Variants in FAM162B observed in about 807,000 individuals in gnomAD.
FAM162B encodes the protein family with sequence similarity 162 member B.
In FAM162B, 16 loss-of-function variants were observed where a neutral mutation model predicts 20.0. That is an observed-to-expected ratio of 0.80 (90% CI 0.54 to 1.21). FAM162B has a LOEUF of 1.21. FAM162B is among the 50% of genes most tolerant of loss of function. The probability of loss-of-function intolerance (pLI) is 0.00; values close to 1 mark genes in which losing one functional copy is unlikely to be tolerated. For synonymous variants in FAM162B, 83 were observed against 89.7 expected, an observed-to-expected ratio of 0.93 and a Z score of 0.42; for missense variants, 260 against 227.5, an observed-to-expected ratio of 1.14 and a Z score of -0.92.
Position 116,765,715 on chromosome 6 carries a change from C to T in FAM162B, c.-139G>A. 1 of 1,012,866 alleles carries T rather than the reference C, an allele frequency of 9.9e-7. No individual in the cohort carries two copies. The highest frequency in any genetic ancestry group is 1.3e-6 in the Non-Finnish European group (1 of 788,850). 62.7% of individuals were successfully genotyped at this position (1,012,866 alleles called of 1,614,324 possible). A position where few individuals can be genotyped will look rare whatever the true frequency, so the allele number is the denominator to read the frequency against. ...GCAGCTGGAACCCCTGGCGCTCGCA[C>T]ACTCAGCTCGCTATCCCCGTCTCCG... On this transcript the variant is annotated 5_prime_UTR_variant, in exon 1 of 4. In the 5' UTR this introduces an upstream ATG that the reference lacks. Transcript: ENST00000368557.
intron 3 of FAM162B, among the ~76,000 whole-genome samples, chr6:116,753,045 T>G (rs1562466725): frequency 6.6e-6 from 1 of 152,082 alleles, no homozygotes. Context: ...GCATCTCACA[T>G]TTAATATAGC....
intron 3 of FAM162B, among the ~76,000 whole-genome samples, chr6:116,757,329 TAATAATA>T (rs978140224): frequency 6.9e-6 from 1 of 145,926 alleles, no homozygotes; most frequent in African/African-American, 2.8e-5. Flanking sequence ...AAATTGTAGA[TAATAATA>T]AAGCATTTCA....
intron 3 of FAM162B, among the ~76,000 whole-genome samples, chr6:116,757,423 A>G (rs1780063014): frequency 6.6e-6 from 1 of 152,176 alleles, no homozygotes; most frequent in African/African-American, 2.4e-5. Context: ...AATTTTAGGG[A>G]AAATGTTTTT....
chr6:116,757,770 A>AG (rs1554260076), intron 3 of FAM162B, among the ~76,000 whole-genome samples: 3 of 148,944 alleles, frequency 2.0e-5, no homozygotes, highest in Non-Finnish European at 4.5e-5. Context: ...AAAAAAAAAA[A>AG]GGGGTGGGGT....
intron 2 of FAM162B, among the ~76,000 whole-genome samples, chr6:116,764,075 T>C (rs17078331): frequency 0.073 from 11,133 of 152,258 alleles, 531 homozygotes; most frequent in African/African-American, 0.13. Context: ...AATTCATTAC[T>C]GAGTGTACAT....
At chr6:116,754,993 AT>A (rs1299023500) in intron 3 of FAM162B, among the ~76,000 whole-genome samples, 1 of 152,008 alleles carries the variant, frequency 6.6e-6, no homozygotes, top group Non-Finnish European at 1.5e-5. Context: ...CCAGTCTCCC[AT>A]TTCTCTCCCT....
chr6:116,752,702 G>C lies in FAM162B; in HGVS notation c.391-7C>G, dbSNP rs749035154. The C allele has an allele frequency of 6.6e-6, 9 of 1,364,568 alleles. No individual in the cohort carries two copies. Among genetic ancestry groups the C allele is most frequent in the Non-Finnish European group, 8.8e-6 (9 of 1,018,430 alleles). 84.5% of individuals were successfully genotyped at this position (1,364,568 alleles called of 1,614,324 possible). A position where few individuals can be genotyped will look rare whatever the true frequency, so the allele number is the denominator to read the frequency against. ...ATTCATGTCGTTCTACAGCCTGTGG[G>C]GGGGAAGAAATATATATATATATAT... is the stretch of plus-strand genomic sequence containing the variant. On this transcript the variant is annotated splice_region_variant and splice_polypyrimidine_tract_variant and intron_variant, in intron 3 of 3. Transcript: ENST00000368557.
At position 116,765,436 on chromosome 6, in the gene FAM162B, C is replaced by G. The variant is rs1344441660; in HGVS notation, c.141G>C (p.Gly47=). Residue 47 remains glycine, a synonymous_variant, in exon 1 of 4, where the codon GGG becomes GGC. Transcript: ENST00000368557. ...CTTGGGGCCCAGAATTGCTGGGGGC[C>G]CCGCCGCTGGAGTAGCAGGGGAGAC... The part of the protein sequence containing the change: ...PRGLPCYSSG[G]APSNSGPQGH... The G allele has an allele frequency of 4.8e-6, 7 of 1,447,728 alleles. No homozygotes were observed. The South Asian group carries it at 1.0e-4, about 21-fold the overall frequency. 89.7% of individuals were successfully genotyped at this position (1,447,728 alleles called of 1,614,324 possible).
chr6:116,765,488 C>T lies in FAM162B; in HGVS notation c.89G>A (p.Arg30Gln), dbSNP rs1188707018. The T allele has an allele frequency of 2.1e-6, 3 of 1,406,610 alleles. No homozygotes were observed. Among genetic ancestry groups the T allele is most frequent in the Non-Finnish European group, 2.8e-6 (3 of 1,085,664 alleles). 87.1% of individuals were successfully genotyped at this position (1,406,610 alleles called of 1,614,324 possible). ...CCGGGGCGGAAGAGCCGGTGCGGGC[C>T]GTCGCGTGGCCTCGAGAGGCGCCCC... is the stretch of plus-strand genomic sequence containing the variant. Reference protein sequence around the residue: ...GPGAPLEATRRPAPALPPRGL... With the variant: ...GPGAPLEATRQPAPALPPRGL... Residue 30 changes from arginine (R) to glutamine (Q), a missense_variant, in exon 1 of 4, where the codon CGG (arginine) becomes CAG (glutamine). Arg to Gln is a conservative substitution (Grantham distance 43). Coordinates refer to ENST00000368557, the MANE Select transcript of FAM162B (RefSeq NM_001085480.3).
At chr6:116,754,099 C>T (rs1167303606) in intron 3 of FAM162B, among the ~76,000 whole-genome samples, 1 of 152,156 alleles carries the variant, frequency 6.6e-6, no homozygotes, top group African/African-American at 2.4e-5. Context: ...CCATTTATAA[C>T]TAACTATTTC....
At chr6:116,762,139 C>T in intron 2 of FAM162B, 54 bp from the exon 3 acceptor site, 1 of 1,397,786 alleles carries the variant, frequency 7.2e-7, no homozygotes, top group East Asian at 2.4e-5. Context: ...GGTTTTCTGA[C>T]AGGCATGATA....
chr6:116,756,845 G>A (rs112193847), intron 3 of FAM162B, among the ~76,000 whole-genome samples: 9 of 152,224 alleles, frequency 5.9e-5, no homozygotes, highest in African/African-American at 1.9e-4. Flanking sequence ...CAAAAAATTT[G>A]CGTGTCTCAG....
chr6:116,752,422 G>C lies in FAM162B; in HGVS notation c.*175C>G, dbSNP rs1168277367. On this transcript the variant is annotated 3_prime_UTR_variant, in exon 4 of 4. Coordinates refer to ENST00000368557, the MANE Select transcript of FAM162B (RefSeq NM_001085480.3). ...ATACAGTTTTGTCCACTTTTTGAATGCATGGTATACTTCAGTAAAAGTTTA... is the reference window on the plus strand; with the variant it reads ...ATACAGTTTTGTCCACTTTTTGAATCCATGGTATACTTCAGTAAAAGTTTA... 1.5e-5 allele frequency: 4 copies of C among 268,674 alleles called. No individual in the cohort carries two copies. In the Admixed American group the frequency reaches 1.9e-4, roughly 13 times the overall value. The allele number at this position is 268,674 out of a possible 1,614,324, so 16.6% of individuals were successfully genotyped here. A position where few individuals can be genotyped will look rare whatever the true frequency, so the allele number is the denominator to read the frequency against.
chr6:116,761,088 G>A (rs929402856), intron 3 of FAM162B, among the ~76,000 whole-genome samples: 2 of 152,184 alleles, frequency 1.3e-5, no homozygotes, highest in Admixed American at 6.5e-5. Context: ...AGTGTATTGA[G>A]AGGACAGCTC....
At chr6:116,765,101 G>A in intron 2 of FAM162B, 46 bp downstream of exon 2, 1 of 1,594,012 alleles carries the variant, frequency 6.3e-7, no homozygotes, top group African/African-American at 1.3e-5. Context: ...CCGCACCCTT[G>A]CGGCCGGGGA....
At chr6:116,752,788 C>G (rs895973218) in intron 3 of FAM162B, 93 bp from the exon 4 acceptor site, 4 of 340,680 alleles carry the variant, frequency 1.2e-5, no homozygotes, top group Non-Finnish European at 1.8e-5. Context: ...CACTGTGACT[C>G]TCTGGAAACT....
At chr6:116,765,042 C>A in intron 2 of FAM162B, 105 bp downstream of exon 2, 1 of 1,026,990 alleles carries the variant, frequency 9.7e-7, no homozygotes. Context: ...AGTGTTGGCA[C>A]TGCGGCCGCT....
intron 3 of FAM162B, among the ~76,000 whole-genome samples, chr6:116,754,747 A>G (rs1307893641): frequency 6.6e-6 from 1 of 152,048 alleles, no homozygotes; most frequent in African/African-American, 2.4e-5. Flanking sequence ...TGCATGGAAC[A>G]AGTCTATAGG....
At chr6:116,755,583 T>C (rs942588645) in intron 3 of FAM162B, among the ~76,000 whole-genome samples, 1 of 152,198 alleles carries the variant, frequency 6.6e-6, no homozygotes, top group East Asian at 1.9e-4. Context: ...ATGAAGTCTA[T>C]GCTAAAATAC....
Sources: allele counts gnomAD v4.1 joint callset (sites outside exome capture counted in the v4.1 genomes callset), GRCh38; gene constraint gnomAD v4.1.1; transcripts MANE v1.5; gene names NCBI Gene and HGNC (gene_info 2026-07-23, HGNC 2026-07-21).